The following ADARB1 variants were observed in gnomAD, a reference collection of about 807,000 sequenced individuals.
ADARB1 encodes the protein adenosine deaminase RNA specific B1.
Under a neutral mutation model 52.4 loss-of-function variants are expected in ADARB1, and 10 were observed. The ratio of observed to expected loss-of-function variants is 0.19; its 90% CI spans 0.12 to 0.32. The LOEUF is 0.32. Among genes scored for constraint, ADARB1 ranks in the 10% least tolerant of loss-of-function variants. The pLI is 1.00. For missense variants in ADARB1, 643 were observed against 922.3 expected (o/e 0.70, Z 3.92); for synonymous variants, 349 against 371.1 (o/e 0.94, Z 0.68).
At chr21:45,085,844 C>T (rs914491520) in intron 1 of ADARB1, among the ~76,000 whole-genome samples, 2 of 152,192 alleles carry the variant, frequency 1.3e-5, no homozygotes, top group Non-Finnish European at 2.9e-5. Context: ...ACCTAAAGGA[C>T]GTCATTGAGC....
chr21:45,119,860 T>C (rs441788), intron 1 of ADARB1, among the ~76,000 whole-genome samples: 148,261 of 152,332 alleles, frequency 0.97, 72,163 homozygotes, highest in East Asian at 1. Context: ...CATGAGAAAA[T>C]GGACATCGAA....
At chr21:45,104,738 G>GGCGCTGGCAGGCAGCCC (rs919756787) in intron 1 of ADARB1, among the ~76,000 whole-genome samples, 5 of 152,248 alleles carry the variant, frequency 3.3e-5, no homozygotes. Context: ...GAATTTCCCT[G>GGCGCTGGCAGGCAGCCC]GCGCTGGCAG....
At position 45,074,660 on chromosome 21, in the gene ADARB1, C is replaced by G. The variant is rs2085838150; in HGVS notation, c.-353C>G. On this transcript the variant is annotated 5_prime_UTR_variant, in exon 1 of 11. Coordinates refer to ENST00000348831, the MANE Select transcript of ADARB1 (RefSeq NM_001112.4). ...GCGGCCAGGTTGGCGGCCGGGGCTCCGGGCCGCGCGAGGCCACGGCCACGC... is the reference window on the plus strand; with the variant it reads ...GCGGCCAGGTTGGCGGCCGGGGCTCGGGGCCGCGCGAGGCCACGGCCACGC... The G allele has an allele frequency of 7.1e-6, 1 of 140,700 alleles. No homozygotes were observed. The highest frequency in any genetic ancestry group is 2.5e-5 in the African/African-American group (1 of 40,258). 8.7% of individuals were successfully genotyped at this position (140,700 alleles called of 1,614,324 possible).
At chr21:45,150,685 T>C (rs950615864) in intron 2 of ADARB1, among the ~76,000 whole-genome samples, 1 of 152,162 alleles carries the variant, frequency 6.6e-6, no homozygotes, top group Non-Finnish European at 1.5e-5. Context: ...GTGAAGGGGC[T>C]GGGCATGCTG....
At chr21:45,081,797 C>T (rs778860180) in intron 1 of ADARB1, among the ~76,000 whole-genome samples, 2 of 152,290 alleles carry the variant, frequency 1.3e-5, no homozygotes, top group African/African-American at 4.8e-5. Context: ...GGACAACAGC[C>T]TTCTGGCTAG....
At chr21:45,141,335 A>G (rs1353136787) in intron 2 of ADARB1, among the ~76,000 whole-genome samples, 1 of 152,220 alleles carries the variant, frequency 6.6e-6, no homozygotes, top group Admixed American at 6.5e-5. Context: ...TGATCTAAAT[A>G]TGTAGTAGTG....
chr21:45,188,356 C>T (rs2092175821), intron 8 of ADARB1, among the ~76,000 whole-genome samples: 1 of 152,180 alleles, frequency 6.6e-6, no homozygotes. Flanking sequence ...ATTCACCTGC[C>T]TCGGCCTCCC....
chr21:45,133,673 C>G (rs1490675156), intron 2 of ADARB1: 2 of 283,322 alleles, frequency 7.1e-6, no homozygotes, highest in Non-Finnish European at 1.4e-5. Context: ...CAGGTGTGTA[C>G]CTGAAAGAGG....
At position 45,176,550 on chromosome 21, in the gene ADARB1, T is replaced by C; in HGVS notation, c.849T>C (p.Leu283=). 6.2e-7 allele frequency: 1 copy of C among 1,614,204 alleles called. No homozygotes were observed. Among genetic ancestry groups the C allele is most frequent in the South Asian group, 1.1e-5 (1 of 91,086 alleles). ...AAGGCTCGGGGAGAAACAAGAAGCT[T>C]GCCAAGGCCCGGGCTGCGCAGTCTG... ...FFEGSGRNKK[L]AKARAAQSAL... The change falls in exon 4 of 11, where the codon CTT becomes CTC. Residue 283 remains leucine (L), a synonymous_variant. Coordinates refer to ENST00000348831, the MANE Select transcript of ADARB1 (RefSeq NM_001112.4). This position sits in a 1 kb window ranked among gnomAD's most constrained non-coding sequence, Gnocchi z 5.8.
intron 8 of ADARB1, among the ~76,000 whole-genome samples, chr21:45,201,871 C>T (rs1020337167): frequency 7.9e-5 from 12 of 151,958 alleles, no homozygotes; most frequent in African/African-American, 2.2e-4. Flanking sequence ...TCCCTCAGAA[C>T]GGCTTTTGTA....
chr21:45,080,928 C>T (rs1302524511), intron 1 of ADARB1, among the ~76,000 whole-genome samples: 2 of 152,208 alleles, frequency 1.3e-5, no homozygotes, highest in East Asian at 3.8e-4. Context: ...ACACAGTTGC[C>T]TGTTAACTTG....
At chr21:45,136,940 A>C (rs1216424053) in intron 2 of ADARB1, 1 of 152,276 alleles carries the variant, frequency 6.6e-6, no homozygotes, top group Non-Finnish European at 1.5e-5. Context: ...CCCAGTTTAT[A>C]TGTGGCTTTA....
At chr21:45,171,961 T>C (rs1016270408) in intron 3 of ADARB1, among the ~76,000 whole-genome samples, 9 of 152,198 alleles carry the variant, frequency 5.9e-5, no homozygotes, top group Non-Finnish European at 8.8e-5. Context: ...CACTGTTTCA[T>C]GTGGAGTCCT....
intron 1 of ADARB1, among the ~76,000 whole-genome samples, chr21:45,127,177 G>A (rs2088636730): frequency 6.6e-6 from 1 of 152,200 alleles, no homozygotes. Flanking sequence ...GATTCGGACT[G>A]AGTGGAGGCA....
At chr21:45,138,694 G>T (rs2089528903) in intron 2 of ADARB1, among the ~76,000 whole-genome samples, 1 of 152,166 alleles carries the variant, frequency 6.6e-6, no homozygotes, top group African/African-American at 2.4e-5. Flanking sequence ...TGGCACCCTT[G>T]GTAGAGGGGT....
intron 1 of ADARB1, among the ~76,000 whole-genome samples, chr21:45,098,781 T>C (rs547529252): frequency 6.6e-6 from 1 of 152,360 alleles, no homozygotes; most frequent in South Asian, 2.1e-4. Context: ...TAGCCTCCTT[T>C]CGAGCACTTT....
intron 1 of ADARB1, among the ~76,000 whole-genome samples, chr21:45,078,930 A>C (rs2086050117): frequency 6.6e-6 from 1 of 152,192 alleles, no homozygotes; most frequent in Admixed American, 6.5e-5. Flanking sequence ...ACAGGGGGGA[A>C]TACCTAGGCA....
chr21:45,180,084 A>C (rs1310206869), intron 4 of ADARB1, among the ~76,000 whole-genome samples: 2 of 152,210 alleles, frequency 1.3e-5, no homozygotes, highest in Admixed American at 1.3e-4. Flanking sequence ...CCCACACTCC[A>C]CACTGGCCCC....
chr21:45,134,353 G>A (rs1425885155), intron 2 of ADARB1, among the ~76,000 whole-genome samples: 2 of 141,610 alleles, frequency 1.4e-5, no homozygotes, highest in African/African-American at 2.7e-5. Flanking sequence ...GTGTGCGCCC[G>A]ACGGGGGTGT....
Sources: gnomAD v4.1 joint callset for allele counts (sites outside exome capture counted in the v4.1 genomes callset) on GRCh38, gnomAD v4.1.1 for gene constraint, Gnocchi (gnomAD v3.1) non-coding constraint, MANE v1.5 for transcripts, NCBI Gene and HGNC (gene_info 2026-07-23, HGNC 2026-07-21) for gene names.